ROS1: variants seen among roughly 807,000 people sequenced by gnomAD.
The protein encoded by ROS1 is ROS proto-oncogene 1, receptor tyrosine kinase.
In ROS1, 263 loss-of-function variants were observed where a neutral mutation model predicts 273.5. The observed-to-expected ratio is 0.96, with a 90% CI of 0.87 to 1.06. ROS1 has a LOEUF of 1.06. Ranked by LOEUF, ROS1 falls within the 50% of genes least tolerant of loss-of-function variation. ROS1 has a pLI of 0.00. For synonymous variants in ROS1, 1,008 were observed against 954.1 expected (o/e 1.06, Z -1.04); for missense variants, 2,833 against 2,751.1 (o/e 1.03, Z -0.67).
intron 11 of ROS1, among the ~76,000 whole-genome samples, chr6:117,393,714 T>G (rs911475790): frequency 1.3e-5 from 2 of 152,158 alleles, no homozygotes; most frequent in Admixed American, 6.5e-5. Flanking sequence ...ATAGTCCTTA[T>G]GCACCACCAC....
At chr6:117,326,095 A>ATATATATATATATATT (rs1554226659) in intron 34 of ROS1, 129 bp downstream of exon 34, 66 of 35,484 alleles carry the variant, frequency 1.9e-3, no homozygotes, top group African/African-American at 5.9e-3. Context: ...ATAAGATTAT[A>ATATATATATATATATT]TATATATATA....
Position 117,317,291 on chromosome 6 carries a change from C to A in ROS1, c.5988-19G>T, listed in dbSNP as rs753227974. 1 of 1,607,520 alleles carries A rather than the reference C, an allele frequency of 6.2e-7. No individual in the cohort carries two copies. Among genetic ancestry groups the A allele is most frequent in the Non-Finnish European group, 8.5e-7 (1 of 1,177,054 alleles). ...AAATTTGCTGAAAGGTGGAAAGACA[C>A]AGGCTGGATGATATGACAGAAGCAG... On this transcript the variant is annotated intron_variant, in intron 38 of 43. Transcript: ENST00000368507.
In ROS1 at chr6:117,287,544, G is replaced by C. The variant is rs1247401799; in HGVS notation, c.*948C>G. On this transcript the variant is annotated 3_prime_UTR_variant, in exon 44 of 44. Transcript: ENST00000368507. Reference sequence around the variant, plus strand: ...GAATGCAAAACTTCAGGACTTAAAAGATCTTCACAGTCTTATTTTCAACAT... The same window carrying C: ...GAATGCAAAACTTCAGGACTTAAAACATCTTCACAGTCTTATTTTCAACAT... Among the ~76,000 whole-genome samples, 1 of 152,156 alleles carries C rather than the reference G, an allele frequency of 6.6e-6. No homozygotes were observed. Among genetic ancestry groups the C allele is most frequent in the Non-Finnish European group, 1.5e-5 (1 of 68,034 alleles).
At chr6:117,321,829 A>AT (rs11451804) in intron 35 of ROS1, among the ~76,000 whole-genome samples, 57,675 of 122,984 alleles carry the variant, frequency 0.47, 14,398 homozygotes, top group African/African-American at 0.57. Flanking sequence ...TATAATGGCA[A>AT]TTTTTTTTTT....
chr6:117,329,671 C>A (rs1245642013), intron 32 of ROS1, among the ~76,000 whole-genome samples: 4 of 152,050 alleles, frequency 2.6e-5, no homozygotes, highest in African/African-American at 7.2e-5. Flanking sequence ...ATTCGCTCAT[C>A]AAAATTGACT....
At chr6:117,290,710 T>G (rs2128523178) in intron 43 of ROS1, among the ~76,000 whole-genome samples, 1 of 152,304 alleles carries the variant, frequency 6.6e-6, no homozygotes, top group East Asian at 1.9e-4. Context: ...GGGATATTTT[T>G]ACTAGATGCC....
rs146680210 is a variant in ROS1, at chr6:117,301,108, T to G, written c.6581A>C (p.Gln2194Pro). Reference protein sequence around the residue: ...LWNLMTQCWAQEPDQRPTFHR... With the variant: ...LWNLMTQCWAPEPDQRPTFHR... ...AAAAGTAGGTCTTTGGTCGGGTTCT[T>G]GAGCCCAGCACTGGGTCATTAAATT... Residue 2194 changes from glutamine to proline, a missense_variant, in exon 43 of 44, where the codon CAA becomes CCA. Coordinates refer to ENST00000368507, the MANE Select transcript of ROS1 (RefSeq NM_001378902.1). The G allele has an allele frequency of 5.3e-5, 85 of 1,600,032 alleles. No homozygotes were observed. The African/African-American group carries it at 9.5e-4, about 18-fold the overall frequency.
chr6:117,403,260 G>A lies in ROS1; in HGVS notation c.483C>T (p.Ser161=). 1.2e-6 allele frequency: 2 copies of A among 1,612,014 alleles called. No homozygotes were observed. Among genetic ancestry groups the A allele is most frequent in the Non-Finnish European group, 1.7e-6 (2 of 1,179,550 alleles). The part of the protein sequence containing the change: ...WTYTKTVSRP[S]YVVKPLHPFT... ...AGGGGTGCAGGGGCTTGACCACATA[G>A]GACGGTCTGGACACAGTCTAGATCA... Residue 161 remains serine (S), a synonymous_variant, in exon 7 of 44, where the codon TCC becomes TCT. Coordinates refer to ENST00000368507, the MANE Select transcript of ROS1 (RefSeq NM_001378902.1).
At chr6:117,324,514 C>A (rs1776501883) in intron 34 of ROS1, 99 bp from the exon 35 acceptor site, 4 of 598,080 alleles carry the variant, frequency 6.7e-6, no homozygotes, top group African/African-American at 1.9e-5. Context: ...GAGCTAGCTA[C>A]TACTGGATTT....
chr6:117,349,746 A>C (rs1778661620), intron 27 of ROS1, among the ~76,000 whole-genome samples: 2 of 151,880 alleles, frequency 1.3e-5, no homozygotes, highest in African/African-American at 4.8e-5. Context: ...TACTTTTCTA[A>C]AAATATTTTT....
chr6:117,404,983 C>G (rs1377314009), intron 5 of ROS1, among the ~76,000 whole-genome samples: 2 of 152,172 alleles, frequency 1.3e-5, no homozygotes, highest in Non-Finnish European at 2.9e-5. Context: ...AGACGTATTA[C>G]AATTGGCAGC....
intron 3 of ROS1, 140 bp from the exon 4 acceptor site, chr6:117,414,685 G>C (rs996295274): frequency 5.4e-6 from 3 of 558,534 alleles, no homozygotes; most frequent in Admixed American, 7.7e-5. Context: ...AAACAAGGGA[G>C]CCCAGAGCAG....
intron 21 of ROS1, 118 bp from the exon 22 acceptor site, chr6:117,362,983 T>C: frequency 1.2e-6 from 1 of 868,162 alleles, no homozygotes. Context: ...TTCCAGGCAG[T>C]TGCAGTATAT....
intron 42 of ROS1, among the ~76,000 whole-genome samples, chr6:117,306,037 T>TTTG (rs1775074145): frequency 6.6e-6 from 1 of 151,648 alleles, no homozygotes; most frequent in Non-Finnish European, 1.5e-5. Context: ...CAAGTTTTTT[T>TTTG]TTTTTTTTTT....
At chr6:117,324,073 GTGCCCT>G (rs1257438514) in intron 35 of ROS1, among the ~76,000 whole-genome samples, 2 of 152,152 alleles carry the variant, frequency 1.3e-5, no homozygotes, top group African/African-American at 4.8e-5. Flanking sequence ...CTAAAAGTTG[GTGCCCT>G]TGCAAGTAGT....
chr6:117,407,779 A>C (rs982935384), intron 5 of ROS1, among the ~76,000 whole-genome samples: 13 of 152,220 alleles, frequency 8.5e-5, no homozygotes, highest in Admixed American at 8.5e-4. Flanking sequence ...CCAAAAGAAC[A>C]AAGCTGGAGG....
intron 17 of ROS1, among the ~76,000 whole-genome samples, chr6:117,383,045 G>T (rs1274070114): frequency 6.6e-6 from 1 of 151,964 alleles, no homozygotes; most frequent in Non-Finnish European, 1.5e-5. Flanking sequence ...TTTAAGTTGG[G>T]TTCACTCAAA....
chr6:117,299,467 C>T (rs753158802), intron 43 of ROS1: 1 of 152,172 alleles, frequency 6.6e-6, no homozygotes, highest in South Asian at 2.1e-4. Flanking sequence ...CACTGTTCCA[C>T]GTGTAGCCCT....
At chr6:117,372,496 C>G (rs1394710952) in intron 18 of ROS1, among the ~76,000 whole-genome samples, 2 of 152,160 alleles carry the variant, frequency 1.3e-5, no homozygotes, top group African/African-American at 4.8e-5. Flanking sequence ...ACCACAGACC[C>G]TCGTGGTGAG....
Sources: allele counts gnomAD v4.1 joint callset (sites outside exome capture counted in the v4.1 genomes callset), GRCh38; gene constraint gnomAD v4.1.1; transcripts MANE v1.5; gene names NCBI Gene and HGNC (gene_info 2026-07-23, HGNC 2026-07-21).